Variants in SETD2 observed in about 807,000 individuals in gnomAD.
SETD2 encodes the protein SET domain containing 2, histone lysine methyltransferase.
Under a neutral mutation model 242.1 loss-of-function variants are expected in SETD2, and 31 were observed. The observed-to-expected ratio is 0.13, with a 90% CI of 0.10 to 0.17. SETD2 has a LOEUF of 0.17. Among genes scored for constraint, SETD2 ranks in the 10% least tolerant of loss-of-function variants. The pLI is 1.00. For missense variants in SETD2, 2,481 were observed against 3,046.3 expected, an observed-to-expected ratio of 0.81 and a Z score of 4.37; for synonymous variants, 1,006 against 1,066.5, an observed-to-expected ratio of 0.94 and a Z score of 1.11.
chr3:47,055,737 C>A (rs1033740082), intron 15 of SETD2, among the ~76,000 whole-genome samples: 2 of 151,890 alleles, frequency 1.3e-5, no homozygotes, highest in East Asian at 3.9e-4. Context: ...CGGCCAGGCA[C>A]GGTGGCTCAC....
chr3:47,062,096 G>T, intron 14 of SETD2, 67 bp downstream of exon 14: 2 of 1,427,152 alleles, frequency 1.4e-6, no homozygotes, highest in South Asian at 2.5e-5. Flanking sequence ...AGAAGTATAT[G>T]ACTTGGGTAC....
At chr3:47,038,475 C>A (rs994623850) in intron 17 of SETD2, among the ~76,000 whole-genome samples, 2 of 152,074 alleles carry the variant, frequency 1.3e-5, no homozygotes, top group Admixed American at 1.3e-4. Context: ...ATTTGCCAGT[C>A]GTGGTGGCGG....
rs759803434 is a variant in SETD2, at chr3:47,120,768, C to T, written c.3868G>A (p.Ala1290Thr). ...TCACGTGTCCCACCATACTGTTCTG[C>T]ATTTTGCTGATACTTGTGTCCACCA... ...ACGGHKYQQNAEQYGGTRDYW... is the reference protein window; with the variant it reads ...ACGGHKYQQNTEQYGGTRDYW... Residue 1290 changes from alanine (A) to threonine (T), a missense_variant, in exon 3 of 21, where the codon GCA becomes ACA. Around this residue, in one of 17 missense-constraint regions of SETD2, gnomAD observed 1,300 missense variants for 1,259.2 expected, o/e 1.03. Transcript: ENST00000409792. 1 of 1,614,210 alleles carries T rather than the reference C, an allele frequency of 6.2e-7. No homozygotes were observed.
At position 47,017,186 on chromosome 3, in the gene SETD2, C is replaced by T. The variant is rs1248081279; in HGVS notation, c.7602G>A (p.Glu2534=). ...CKNPEDLECN[E]NVKHKTKEYI... ...ACTCCTTGGTTTTGTGTTTCACATT[C>T]TCATTGCACTCCAGGTCCTCAGGAT... The change falls in exon 21 of 21, where the codon GAG becomes GAA. Residue 2534 remains glutamate, a synonymous_variant. Coordinates refer to ENST00000409792, the MANE Select transcript of SETD2 (RefSeq NM_014159.7). This position sits in a 1 kb window ranked among gnomAD's most constrained non-coding sequence, Gnocchi z 4.8. 8.1e-6 allele frequency: 13 copies of T among 1,614,028 alleles called. No individual in the cohort carries two copies. The highest frequency in any genetic ancestry group is 3.3e-5 in the Admixed American group (2 of 60,006).
In SETD2 at chr3:47,122,968, T is replaced by C. The variant is rs1356347937; in HGVS notation, c.1668A>G (p.Lys556=). 1 of 1,613,986 alleles carries C rather than the reference T, an allele frequency of 6.2e-7. No homozygotes were observed. The change falls in exon 3 of 21, where the codon AAA becomes AAG. Residue 556 remains lysine, a synonymous_variant. Coordinates refer to ENST00000409792, the MANE Select transcript of SETD2 (RefSeq NM_014159.7). ...TGGGTATAGGTTTTGAAAGGGTAGA[T>C]TTATAACGGGAAGCACTACTGTCAT... The part of the protein sequence containing the change: ...SKHDSSASRY[K]STLSKPIPKS...
At chr3:47,118,684 T>A (rs2042957332) in intron 3 of SETD2, among the ~76,000 whole-genome samples, 1 of 151,456 alleles carries the variant, frequency 6.6e-6, no homozygotes, top group Non-Finnish European at 1.5e-5. Context: ...AAAAAAAAGT[T>A]AAATATATAT....
chr3:47,049,880 T>C (rs1393142379), intron 15 of SETD2, among the ~76,000 whole-genome samples: 1 of 138,788 alleles, frequency 7.2e-6, no homozygotes, highest in Non-Finnish European at 1.5e-5. Flanking sequence ...TCTGAGTTTA[T>C]AGTATATATT....
chr3:47,159,361 C>T (rs1165511819), intron 1 of SETD2, among the ~76,000 whole-genome samples: 1 of 152,172 alleles, frequency 6.6e-6, no homozygotes, highest in Admixed American at 6.5e-5. Flanking sequence ...TCCTTTTAGT[C>T]ATCACTGTCT....
intron 9 of SETD2, among the ~76,000 whole-genome samples, chr3:47,088,955 C>T (rs1008249821): frequency 7.9e-5 from 12 of 152,004 alleles, no homozygotes; most frequent in Admixed American, 2.0e-4. Flanking sequence ...GTTGGATAAA[C>T]GGCCATGTTC....
intron 1 of SETD2, chr3:47,127,526 G>C (rs944653599): frequency 6.7e-6 from 3 of 448,160 alleles, no homozygotes; most frequent in African/African-American, 4.0e-5. Context: ...TCAGGAGTTC[G>C]AGACCACCCT....
chr3:47,164,269 G>C (rs1322177615), upstream of SETD2, among the ~76,000 whole-genome samples: 2 of 152,126 alleles, frequency 1.3e-5, no homozygotes, highest in Non-Finnish European at 2.9e-5. This position sits in a 1 kb window ranked among gnomAD's most constrained non-coding sequence, Gnocchi z 5.4. Context: ...CGGGCAGAGC[G>C]GAACACTGCC....
In SETD2 at chr3:47,046,468, C is replaced by A. The variant is rs1369464337; in HGVS notation, c.7098+19G>T. 4.4e-6 allele frequency: 7 copies of A among 1,574,848 alleles called. No individual in the cohort carries two copies. In the Admixed American group the frequency reaches 5.4e-5, roughly 12 times the overall value. On this transcript the variant is annotated intron_variant, in intron 16 of 20. Transcript: ENST00000409792. ...AAAGTAGACAGCCAATGAGTTTTAA[C>A]AACTGAAACATTTCTTACTGGCTGC... is the stretch of plus-strand genomic sequence containing the variant.
intron 1 of SETD2, among the ~76,000 whole-genome samples, chr3:47,128,470 T>C (rs2043399508): frequency 6.6e-6 from 1 of 152,244 alleles, no homozygotes; most frequent in Admixed American, 6.5e-5. Flanking sequence ...ACAATCTGTT[T>C]TCAATGTTCC....
chr3:47,103,456 AT>A, intron 6 of SETD2, 33 bp from the exon 7 acceptor site: 1 of 1,385,532 alleles, frequency 7.2e-7, no homozygotes, highest in Non-Finnish European at 1.0e-6. Context: ...GAATTAAAAA[AT>A]AATACCTTAA....
At chr3:47,029,485 A>T (rs1267751385) in intron 18 of SETD2, among the ~76,000 whole-genome samples, 3 of 149,444 alleles carry the variant, frequency 2.0e-5, no homozygotes, top group African/African-American at 7.4e-5. Context: ...ATAAAAAGCA[A>T]AAAAAAAAAA....
At position 47,122,566 on chromosome 3, in the gene SETD2, T is replaced by G. The variant is rs2043143024; in HGVS notation, c.2070A>C (p.Lys690Asn). 6.2e-7 allele frequency: 1 copy of G among 1,614,046 alleles called. No homozygotes were observed. The highest frequency in any genetic ancestry group is 1.3e-5 in the African/African-American group (1 of 74,938). ...CAGAAGTCATTAAAACAGCATCAGTTTTAGAAGTGCAAAATGTTGCCAAAT... is the reference window on the plus strand; with the variant it reads ...CAGAAGTCATTAAAACAGCATCAGTGTTAGAAGTGCAAAATGTTGCCAAAT... ...ESDLATFCTS[K>N]TDAVLMTSDD... Residue 690 changes from lysine to asparagine, a missense_variant, in exon 3 of 21, where the codon AAA becomes AAC. Physicochemically the swap from Lys to Asn is moderately conservative, Grantham distance 94 (BLOSUM62 0). Around this residue, in one of 17 missense-constraint regions of SETD2, gnomAD observed 1,300 missense variants for 1,259.2 expected, o/e 1.03. Transcript: ENST00000409792.
intron 1 of SETD2, 88 bp from the exon 2 acceptor site, chr3:47,126,751 T>G (rs2043342081): frequency 1.3e-6 from 1 of 797,858 alleles, no homozygotes; most frequent in African/African-American, 1.7e-5. Flanking sequence ...TTATTTGTAT[T>G]AAAACTTGGG....
chr3:47,068,738 T>G (rs6777145), intron 12 of SETD2, among the ~76,000 whole-genome samples: 99,186 of 151,934 alleles, frequency 0.65, 32,794 homozygotes, highest in African/African-American at 0.76. Context: ...CTCATGATCT[T>G]CCCACCCTGG....
chr3:47,111,803 A>G (rs1213768826), intron 5 of SETD2, among the ~76,000 whole-genome samples: 3 of 152,024 alleles, frequency 2.0e-5, no homozygotes, highest in Non-Finnish European at 4.4e-5. Context: ...GATTCCTGTC[A>G]TAAAACTAAA....
Sources: allele counts gnomAD v4.1 joint callset (sites outside exome capture counted in the v4.1 genomes callset), GRCh38; gene constraint gnomAD v4.1.1; regional missense constraint gnomAD v4.1.1; non-coding constraint Gnocchi (gnomAD v3.1); transcripts MANE v1.5; gene names NCBI Gene and HGNC (gene_info 2026-07-23, HGNC 2026-07-21).